Variants in MGAT4D observed in about 807,000 individuals in gnomAD.
MGAT4D encodes MGAT4 family member D, also known as alpha-1,3-mannosyl-glycoprotein 4-beta-N-acetylglucosaminyltransferase-like protein MGAT4D.
Under a neutral mutation model 15.9 loss-of-function variants are expected in MGAT4D, and 34 were observed. The ratio of observed to expected loss-of-function variants is 2.14; its 90% CI spans 1.62 to 2.84. The LOEUF (loss-of-function observed/expected upper bound fraction) is 2.84. MGAT4D is among the 30% of genes most tolerant of loss of function. MGAT4D has a pLI of 0.00. For synonymous variants in MGAT4D, 112 were observed against 48.2 expected (o/e 2.33, Z -5.49); for missense variants, 327 against 140.2 (o/e 2.33, Z -6.73).
At chr4:140,456,502 T>C (rs563083519) in intron 9 of MGAT4D, 87 bp downstream of exon 9, 6 of 460,076 alleles carry the variant, frequency 1.3e-5, no homozygotes, top group African/African-American at 4.0e-5. Context: ...TTTATCAGAT[T>C]TGGTTTGGTA....
chr4:140,473,706 G>A (rs1163380459), intron 4 of MGAT4D, among the ~76,000 whole-genome samples: 1 of 151,994 alleles, frequency 6.6e-6, no homozygotes, highest in African/African-American at 2.4e-5. Context: ...TTGTTCATTT[G>A]TTTGTTTTTT....
rs1312477247 is a variant in MGAT4D, at chr4:140,451,440, T to C, written c.1086A>G (p.Ser362=). 4 of 619,756 alleles carry C rather than the reference T, an allele frequency of 6.5e-6. No individual in the cohort carries two copies. Among genetic ancestry groups the C allele is most frequent in the Non-Finnish European group, 1.2e-5 (4 of 339,960 alleles). 38.4% of individuals were successfully genotyped at this position (619,756 alleles called of 1,614,324 possible). A position where few individuals can be genotyped will look rare whatever the true frequency, so the allele number is the denominator to read the frequency against. The change falls in exon 10 of 11, where the codon TCA becomes TCG. Residue 362 remains serine, a synonymous_variant. Transcript: ENST00000511113. The part of the protein sequence containing the change: ...PSLFQHVGIH[S]SFPRKEQYEK... ...CATATTGTTCTTTTCTAGGGAATGATGAATGTATACCCACATGCTGGAAAA... is the reference window on the plus strand; with the variant it reads ...CATATTGTTCTTTTCTAGGGAATGACGAATGTATACCCACATGCTGGAAAA...
chr4:140,496,501 A>ACTGTAT (rs1205774039), intron 1 of MGAT4D, among the ~76,000 whole-genome samples: 2 of 152,212 alleles, frequency 1.3e-5, no homozygotes, highest in Non-Finnish European at 2.9e-5. Flanking sequence ...TCATTATAAA[A>ACTGTAT]TCATTAATGG....
rs770418801 is a variant in MGAT4D at position 140,456,681 on chromosome 4, G to A, written c.916C>T (p.Arg306Trp). Residue 306 changes from arginine to tryptophan, a missense_variant, in exon 9 of 11, where the codon CGG becomes TGG. Physicochemically the swap from Arg to Trp is moderately radical, Grantham distance 101 (BLOSUM62 -3). Coordinates refer to ENST00000511113, the MANE Select transcript of MGAT4D (RefSeq NM_001277353.2). ...FRSEDLTHFV[R>W]FFLMFYKEKP... The stretch of plus-strand genomic sequence containing the variant: ...TCTTTGTAGAACATTAAAAAAAACC[G>A]TACAAAGTGAGTTAAGTCCTCAGAT... 165 of 691,518 alleles carry A rather than the reference G, an allele frequency of 2.4e-4. No individual in the cohort carries two copies. The highest frequency in any genetic ancestry group is 6.9e-4 in the Middle Eastern group (3 of 4,346). 42.8% of individuals were successfully genotyped at this position (691,518 alleles called of 1,614,324 possible).
At chr4:140,496,014 T>G (rs1363280570) in intron 1 of MGAT4D, among the ~76,000 whole-genome samples, 1 of 152,152 alleles carries the variant, frequency 6.6e-6, no homozygotes, top group Non-Finnish European at 1.5e-5. Flanking sequence ...ATTACAGGTG[T>G]GAGCCACCCC....
At position 140,474,833 on chromosome 4, in the gene MGAT4D, C is replaced by G. The variant is rs1732208586; in HGVS notation, c.505G>C (p.Val169Leu). 1 of 693,844 alleles carries G rather than the reference C, an allele frequency of 1.4e-6. No individual in the cohort carries two copies. Among genetic ancestry groups the G allele is most frequent in the Non-Finnish European group, 2.6e-6 (1 of 381,676 alleles). 43.0% of individuals were successfully genotyped at this position (693,844 alleles called of 1,614,324 possible). A position where few individuals can be genotyped will look rare whatever the true frequency, so the allele number is the denominator to read the frequency against. ...MTLSQEKDSV[V>L]IVLVADSNED... Reference sequence around the variant, plus strand: ...CGTACATCTGCAACCAAGACAATCACTACAGAATCCTTCTCTTGGGAGAGC... The same window carrying G: ...CGTACATCTGCAACCAAGACAATCAGTACAGAATCCTTCTCTTGGGAGAGC... The change falls in exon 4 of 11, where the codon GTG (valine) becomes CTG (leucine). Residue 169 changes from valine to leucine, a missense_variant. By Grantham distance (32) the Val-to-Leu change is conservative. Transcript: ENST00000511113.
At chr4:140,489,346 G>A (rs1242904320) in intron 1 of MGAT4D, among the ~76,000 whole-genome samples, 1 of 152,056 alleles carries the variant, frequency 6.6e-6, no homozygotes, top group Non-Finnish European at 1.5e-5. Flanking sequence ...TGGCCCCTCT[G>A]TGCATTAGGT....
chr4:140,463,621 T>C (rs11940645), intron 6 of MGAT4D, among the ~76,000 whole-genome samples: 38,148 of 151,944 alleles, frequency 0.25, 4,913 homozygotes, highest in South Asian at 0.37. Context: ...TGCCCTTCTG[T>C]GTCTCATAAC....
In MGAT4D at chr4:140,492,029, T is replaced by C. The variant is rs1578725124; in HGVS notation, c.94+6100A>G. ...TACCTCCTTGAATCTGAGTTCACCC[T>C]ATGACTGCTTTCACTATAGTAATAT... On this transcript the variant is annotated intron_variant, in intron 1 of 10. Transcript: ENST00000511113. Among the ~76,000 whole-genome samples the C allele has an allele frequency of 2.6e-5, 4 of 152,300 alleles. No individual in the cohort carries two copies. In the East Asian group the frequency reaches 7.7e-4, roughly 29 times the overall value.
intron 8 of MGAT4D, chr4:140,458,914 C>A (rs1195542673): frequency 6.6e-6 from 1 of 151,522 alleles, no homozygotes; most frequent in Non-Finnish European, 1.5e-5. Flanking sequence ...ATAATATAAG[C>A]AGTATGGTAA....
rs567302817 is a variant in MGAT4D, at chr4:140,484,456, T to C, written c.95-1971A>G. Among the ~76,000 whole-genome samples the C allele has an allele frequency of 9.2e-5, 14 of 152,132 alleles. 1 individual carries two copies. In the South Asian group the frequency reaches 2.5e-3, roughly 27 times the overall value. On this transcript the variant is annotated intron_variant, in intron 1 of 10. Transcript: ENST00000511113. ...TTAGTGTAGCCATTATGGAACACAA[T>C]ATGGAGGCTCCTTACCTTCAGGACA...
intron 5 of MGAT4D, among the ~76,000 whole-genome samples, chr4:140,468,600 C>G (rs1731705267): frequency 1.3e-5 from 2 of 152,054 alleles, no homozygotes; most frequent in Admixed American, 1.3e-4. Context: ...GTTTATTGTT[C>G]AGAATAAAGC....
chr4:140,482,673 T>C (rs1732825514), intron 1 of MGAT4D, among the ~76,000 whole-genome samples, 188 bp from the exon 2 acceptor site: 1 of 151,958 alleles, frequency 6.6e-6, no homozygotes, highest in Non-Finnish European at 1.5e-5. Context: ...CGTGCATAGG[T>C]ACAAATATAA....
chr4:140,451,198 G>A (rs1192699540), intron 10 of MGAT4D, among the ~76,000 whole-genome samples: 1 of 152,106 alleles, frequency 6.6e-6, no homozygotes, highest in East Asian at 1.9e-4. Flanking sequence ...TATGTAGGCT[G>A]AATTCTTCTT....
rs1402130432 is a variant in MGAT4D at position 140,498,202 on chromosome 4, G to C, written c.21C>G (p.Asn7Lys). Reference protein sequence around the residue: MRTKQVNLLITLVAVAL... With the variant: MRTKQVKLLITLVAVAL... ...CGACGGCGACCAGGGTGATCAGCAA[G>C]TTCACCTGCTTGGTCCTCATGGCCC... The change falls in exon 1 of 11, where the codon AAC (asparagine) becomes AAG (lysine). Residue 7 changes from asparagine (N) to lysine (K), a missense_variant. Physicochemically the swap from Asn to Lys is moderately conservative, Grantham distance 94. Transcript: ENST00000511113. 3 of 702,544 alleles carry C rather than the reference G, an allele frequency of 4.3e-6. No individual in the cohort carries two copies. The South Asian group carries it at 4.4e-5, about 10-fold the overall frequency. The allele number at this position is 702,544 out of a possible 1,614,324, so 43.5% of individuals were successfully genotyped here.
chr4:140,498,216 T>C lies in MGAT4D; in HGVS notation c.7A>G (p.Thr3Ala), dbSNP rs941039226. 2 of 702,230 alleles carry C rather than the reference T, an allele frequency of 2.8e-6. No individual in the cohort carries two copies. The highest frequency in any genetic ancestry group is 2.0e-5 in the Admixed American group (1 of 49,952). The allele number at this position is 702,230 out of a possible 1,614,324, so 43.5% of individuals were successfully genotyped here. The change falls in exon 1 of 11, where the codon ACC (threonine) becomes GCC (alanine). Residue 3 changes from threonine to alanine, a missense_variant. Coordinates refer to ENST00000511113, the MANE Select transcript of MGAT4D (RefSeq NM_001277353.2). MR[T>A]KQVNLLITLV... is the part of the protein sequence containing the mutation. ...GTGATCAGCAAGTTCACCTGCTTGG[T>C]CCTCATGGCCCTGGCCAGGCTGCGG...
intron 1 of MGAT4D, among the ~76,000 whole-genome samples, chr4:140,487,447 C>T (rs1259053900): frequency 6.6e-6 from 1 of 152,222 alleles, no homozygotes; most frequent in South Asian, 2.1e-4. Context: ...AAATAAAATG[C>T]AAGCCACATC....
At chr4:140,487,779 T>C (rs1423474853) in intron 1 of MGAT4D, among the ~76,000 whole-genome samples, 2 of 152,132 alleles carry the variant, frequency 1.3e-5, no homozygotes, top group Non-Finnish European at 2.9e-5. Context: ...CTCAAACTAG[T>C]TAACATAAAA....
rs1253066763 is a variant in MGAT4D at position 140,461,878 on chromosome 4, TATACACAC to T, written c.762+43_762+50del. ...TATCTATCTACAGATATAATTGGTG[TATACACAC>T]ACACACACACACACACACACACACA... On this transcript the variant is annotated intron_variant, in intron 7 of 10. Coordinates refer to ENST00000511113, the MANE Select transcript of MGAT4D (RefSeq NM_001277353.2). The T allele has an allele frequency of 3.7e-5, 19 of 516,128 alleles. No homozygotes were observed. The African/African-American group carries it at 4.4e-4, about 12-fold the overall frequency. 32.0% of individuals were successfully genotyped at this position (516,128 alleles called of 1,614,324 possible).
Sources: allele counts gnomAD v4.1 joint callset (sites outside exome capture counted in the v4.1 genomes callset), GRCh38; gene constraint gnomAD v4.1.1; transcripts MANE v1.5; gene names NCBI Gene and HGNC (gene_info 2026-07-23, HGNC 2026-07-21).